Variants in PALS2 observed in about 807,000 individuals in gnomAD.
The protein encoded by PALS2 is protein PALS2.
Under a neutral mutation model 61.6 loss-of-function variants are expected in PALS2, and 27 were observed. That is an observed-to-expected ratio of 0.44 (90% CI 0.32 to 0.60). The LOEUF (loss-of-function observed/expected upper bound fraction) is 0.60. PALS2 is among the 20% of genes least tolerant of loss of function. The pLI, the probability that PALS2 is intolerant of heterozygous loss-of-function variation, is 0.05. For missense variants in PALS2, 554 were observed against 639.4 expected (o/e 0.87, Z 1.44); for synonymous variants, 236 against 218.6 (o/e 1.08, Z -0.70).
intron 2 of PALS2, among the ~76,000 whole-genome samples, chr7:24,629,224 AAAAC>A (rs1164558197): frequency 2.0e-5 from 3 of 152,218 alleles, no homozygotes; most frequent in East Asian, 1.9e-4. Flanking sequence ...AAACCAGACA[AAAAC>A]AAGCAATGGG....
intron 2 of PALS2, among the ~76,000 whole-genome samples, chr7:24,632,303 C>G (rs1425920998): frequency 6.6e-6 from 1 of 152,228 alleles, no homozygotes; most frequent in Admixed American, 6.5e-5. Context: ...ACACCTTTCT[C>G]CATACCTTTA....
In PALS2 at chr7:24,690,782, C is replaced by G. The variant is rs1788430277; in HGVS notation, c.*3168C>G. ...TTTATTTTGGCTAACTCTAACTATA[C>G]AATTGCTGAACATAGCTTTCTGAAA... is the stretch of plus-strand genomic sequence containing the variant. On this transcript the variant is annotated 3_prime_UTR_variant, in exon 12 of 12. Transcript: ENST00000222644. 1 of 152,154 alleles carries G rather than the reference C, an allele frequency of 6.6e-6. No homozygotes were observed. The highest frequency in any genetic ancestry group is 1.5e-5 in the Non-Finnish European group (1 of 68,030). 9.4% of individuals were successfully genotyped at this position (152,154 alleles called of 1,614,324 possible).
At chr7:24,674,909 T>A (rs983605306) in intron 9 of PALS2, among the ~76,000 whole-genome samples, 1 of 152,214 alleles carries the variant, frequency 6.6e-6, no homozygotes, top group Non-Finnish European at 1.5e-5. Context: ...GTGTCTTCAT[T>A]ATTTGAAGAG....
intron 1 of PALS2, among the ~76,000 whole-genome samples, chr7:24,616,754 T>C (rs1441971315): frequency 6.6e-6 from 1 of 152,176 alleles, no homozygotes; most frequent in Non-Finnish European, 1.5e-5. Flanking sequence ...CATTCTCTTA[T>C]TGTTTATTTT....
At chr7:24,599,396 AC>A (rs753050173) in intron 1 of PALS2, among the ~76,000 whole-genome samples, 1 of 151,820 alleles carries the variant, frequency 6.6e-6, no homozygotes, top group African/African-American at 2.4e-5. Flanking sequence ...TCTTACTATA[AC>A]TTTTTTACTT....
chr7:24,632,166 CAG>C (rs776131288), intron 2 of PALS2, among the ~76,000 whole-genome samples: 71 of 152,198 alleles, frequency 4.7e-4, no homozygotes, highest in Admixed American at 3.9e-4. Context: ...TATATCATCT[CAG>C]AGAATCAACT....
At chr7:24,663,924 C>T (rs1048368503) in intron 6 of PALS2, among the ~76,000 whole-genome samples, 3 of 152,146 alleles carry the variant, frequency 2.0e-5, no homozygotes, top group African/African-American at 7.2e-5. Flanking sequence ...GCAGAATTAA[C>T]CAGCCTGTGG....
chr7:24,638,992 C>T lies in PALS2; in HGVS notation c.118-2724C>T, dbSNP rs570579496. Among the ~76,000 whole-genome samples the T allele has an allele frequency of 6.6e-5, 10 of 152,228 alleles. No homozygotes were observed. In the South Asian group the frequency reaches 1.9e-3, roughly 28 times the overall value. On this transcript the variant is annotated intron_variant, in intron 2 of 11. Transcript: ENST00000222644. ...AAATAAATGGTCTTCATAGCTCTTACTTAGAGCAAAGGAGTGAAAGTCAAA... is the reference window on the plus strand; with the variant it reads ...AAATAAATGGTCTTCATAGCTCTTATTTAGAGCAAAGGAGTGAAAGTCAAA...
chr7:24,595,854 G>C, intron 1 of PALS2, among the ~76,000 whole-genome samples: 1 of 151,640 alleles, frequency 6.6e-6, no homozygotes. Context: ...TGGTATGTGT[G>C]TGGATCTCTG....
At chr7:24,644,377 C>G (rs1785724242) in intron 3 of PALS2, among the ~76,000 whole-genome samples, 1 of 151,976 alleles carries the variant, frequency 6.6e-6, no homozygotes, top group African/African-American at 2.4e-5. Flanking sequence ...TCTGTTCCTG[C>G]GTTAGTTTGC....
At chr7:24,616,071 G>C (rs1223251541) in intron 1 of PALS2, among the ~76,000 whole-genome samples, 1 of 152,074 alleles carries the variant, frequency 6.6e-6, no homozygotes, top group African/African-American at 2.4e-5. Flanking sequence ...GCCATATATG[G>C]CAAACCCACA....
chr7:24,650,710 C>A lies in PALS2; in HGVS notation c.649C>A (p.Gln217Lys), dbSNP rs1045470313. 3 of 1,539,750 alleles carry A rather than the reference C, an allele frequency of 1.9e-6. No individual in the cohort carries two copies. The highest frequency in any genetic ancestry group is 8.8e-7 in the Non-Finnish European group (1 of 1,131,368). Residue 217 changes from glutamine to lysine, a missense_variant and splice_region_variant, in exon 5 of 12, where the codon CAG becomes AAG. Gln to Lys is a moderately conservative substitution (Grantham distance 53). Transcript: ENST00000222644. Reference protein sequence around the residue: ...PSYRDTITPQQVFVKCHFDYN... With the variant: ...PSYRDTITPQKVFVKCHFDYN... ...TTATAGAGATACCATTACTCCTCAA[C>A]AGGTTAGTAATAAAATTTTTGGTAG...
At chr7:24,676,178 CATA>C (rs1295863085) in intron 9 of PALS2, among the ~76,000 whole-genome samples, 1 of 151,262 alleles carries the variant, frequency 6.6e-6, no homozygotes, top group Non-Finnish European at 1.5e-5. Flanking sequence ...TTTTTGGCTG[CATA>C]AGTGTCTGTC....
At chr7:24,623,850 G>A (rs1784623724) in intron 2 of PALS2, 66 bp downstream of exon 2, 2 of 1,216,852 alleles carry the variant, frequency 1.6e-6, no homozygotes, top group Admixed American at 4.6e-5. Flanking sequence ...GATATTTTCA[G>A]ATATTACTAT....
intron 5 of PALS2, among the ~76,000 whole-genome samples, chr7:24,659,418 T>A (rs1464168518): frequency 6.6e-6 from 1 of 152,204 alleles, no homozygotes. Flanking sequence ...CTTTGAGAAA[T>A]CTCCAAAGTG....
chr7:24,609,160 T>C (rs1244107766), intron 1 of PALS2, among the ~76,000 whole-genome samples: 2 of 152,206 alleles, frequency 1.3e-5, no homozygotes, highest in African/African-American at 4.8e-5. Flanking sequence ...CCTGGTGATA[T>C]AATTGCTGAG....
intron 1 of PALS2, among the ~76,000 whole-genome samples, chr7:24,585,224 A>T (rs1783014120): frequency 6.6e-6 from 1 of 151,834 alleles, no homozygotes; most frequent in Non-Finnish European, 1.5e-5. Flanking sequence ...CTTGATGGGG[A>T]TGGCATTGAA....
At chr7:24,593,885 A>G (rs1249538100) in intron 1 of PALS2, among the ~76,000 whole-genome samples, 2 of 152,036 alleles carry the variant, frequency 1.3e-5, no homozygotes, top group Admixed American at 6.6e-5. Context: ...AAAAGTCACC[A>G]CCTGTGTTTG....
chr7:24,668,067 C>G (rs1021402888), intron 8 of PALS2, among the ~76,000 whole-genome samples: 11 of 151,684 alleles, frequency 7.3e-5, no homozygotes, highest in Admixed American at 3.9e-4. Context: ...GCCTATAATC[C>G]CAGCACTTTG....
Sources: allele counts gnomAD v4.1 joint callset (sites outside exome capture counted in the v4.1 genomes callset), GRCh38; gene constraint gnomAD v4.1.1; transcripts MANE v1.5; gene names NCBI Gene and HGNC (gene_info 2026-07-23, HGNC 2026-07-21).